Variants in MIPEP observed in about 807,000 individuals in gnomAD.
MIPEP encodes mitochondrial intermediate peptidase.
A neutral mutation model predicts 90.3 loss-of-function variants in MIPEP; 79 were observed. The observed-to-expected ratio is 0.87, with a 90% CI of 0.73 to 1.05. The LOEUF (loss-of-function observed/expected upper bound fraction) is 1.05. MIPEP is among the 50% of genes least tolerant of loss of function. MIPEP has a pLI of 0.00. For synonymous variants in MIPEP, 334 were observed against 315.8 expected (o/e 1.06, Z -0.61); for missense variants, 940 against 905.6 (o/e 1.04, Z -0.49).
At chr13:23,877,171 A>G (rs1029597808) in intron 4 of MIPEP, among the ~76,000 whole-genome samples, 1 of 152,212 alleles carries the variant, frequency 6.6e-6, no homozygotes, top group Non-Finnish European at 1.5e-5. Flanking sequence ...TTTATTCTCT[A>G]TGACTTCAAA....
chr13:23,756,401 C>T, intron 18 of MIPEP, 144 bp downstream of exon 18: 5 of 787,116 alleles, frequency 6.4e-6, no homozygotes, highest in Non-Finnish European at 1.0e-5. Context: ...GTGATCCACC[C>T]TCCTTGGGGC....
intron 16 of MIPEP, among the ~76,000 whole-genome samples, chr13:23,797,546 C>T (rs564354429): frequency 6.6e-6 from 1 of 152,270 alleles, no homozygotes; most frequent in Admixed American, 6.5e-5. Context: ...AACTAGCAAG[C>T]ACCAAACACC....
chr13:23,817,795 T>C (rs1953258272), intron 14 of MIPEP, among the ~76,000 whole-genome samples: 1 of 152,094 alleles, frequency 6.6e-6, no homozygotes, highest in Non-Finnish European at 1.5e-5. Flanking sequence ...CCATCCAAAA[T>C]TTGTTTTACT....
At position 23,834,191 on chromosome 13, in the gene MIPEP, G is replaced by T. The variant is rs1429797198; in HGVS notation, c.1653+2049C>A. The stretch of plus-strand genomic sequence containing the variant: ...CCTGCCTCTCCAGGAAGCCTCTCAG[G>T]CTCTATCCGCACCCCCTGCGATCCG... On this transcript the variant is annotated intron_variant, in intron 14 of 18. Transcript: ENST00000382172. 3.3e-5 allele frequency among the ~76,000 whole-genome samples: 5 copies of T among 152,224 alleles called. No individual in the cohort carries two copies. The East Asian group carries it at 5.8e-4, about 18-fold the overall frequency.
chr13:23,850,972 G>C (rs1467121173), intron 10 of MIPEP, among the ~76,000 whole-genome samples: 1 of 152,224 alleles, frequency 6.6e-6, no homozygotes, highest in African/African-American at 2.4e-5. Flanking sequence ...AGCAGCAAAA[G>C]GGAAATAGGC....
At chr13:23,781,779 AAC>A (rs1329484259) in intron 16 of MIPEP, among the ~76,000 whole-genome samples, 1 of 152,206 alleles carries the variant, frequency 6.6e-6, no homozygotes, top group East Asian at 1.9e-4. Flanking sequence ...GCAAATGGAA[AAC>A]AAAAAAAGGC....
chr13:23,763,492 G>A (rs1952567527), intron 16 of MIPEP, among the ~76,000 whole-genome samples: 1 of 152,178 alleles, frequency 6.6e-6, no homozygotes, highest in African/African-American at 2.4e-5. Flanking sequence ...GTTTAATTCT[G>A]TTTAGATTCA....
intron 14 of MIPEP, among the ~76,000 whole-genome samples, chr13:23,819,325 C>G (rs1953278812): frequency 6.6e-6 from 1 of 152,162 alleles, no homozygotes; most frequent in Non-Finnish European, 1.5e-5. Flanking sequence ...CTACCTGAGT[C>G]AGTGTCATAT....
chr13:23,861,783 T>C (rs1199098012), intron 9 of MIPEP, among the ~76,000 whole-genome samples: 5 of 152,186 alleles, frequency 3.3e-5, no homozygotes, highest in South Asian at 2.1e-4. Context: ...ATAACAATAC[T>C]TGTCTATACT....
chr13:23,822,375 A>G (rs1351757741), intron 14 of MIPEP, among the ~76,000 whole-genome samples: 1 of 152,220 alleles, frequency 6.6e-6, no homozygotes, highest in African/African-American at 2.4e-5. Flanking sequence ...CTATAAACTA[A>G]AAAGAACTGA....
chr13:23,883,819 T>C (rs1301814256), intron 2 of MIPEP, among the ~76,000 whole-genome samples: 2 of 152,126 alleles, frequency 1.3e-5, no homozygotes, highest in Non-Finnish European at 2.9e-5. Flanking sequence ...GTATGAAACC[T>C]CCTTTTGGCA....
At chr13:23,797,512 C>G (rs1022189204) in intron 16 of MIPEP, among the ~76,000 whole-genome samples, 2 of 152,152 alleles carry the variant, frequency 1.3e-5, no homozygotes, top group African/African-American at 4.8e-5. Context: ...ATTCCCACTC[C>G]TTCTCTTTTA....
At chr13:23,807,447 T>C (rs922648146) in intron 15 of MIPEP, among the ~76,000 whole-genome samples, 1 of 152,206 alleles carries the variant, frequency 6.6e-6, no homozygotes, top group African/African-American at 2.4e-5. Flanking sequence ...GAGGATTAGT[T>C]TGGTTAAAAG....
At chr13:23,829,409 C>A (rs1396797427) in intron 14 of MIPEP, among the ~76,000 whole-genome samples, 1 of 151,056 alleles carries the variant, frequency 6.6e-6, no homozygotes, top group Non-Finnish European at 1.5e-5. Context: ...GGCGAAAGAG[C>A]AAGACTCTGT....
At chr13:23,749,627 G>A (rs996858362) in intron 18 of MIPEP, among the ~76,000 whole-genome samples, 1 of 152,118 alleles carries the variant, frequency 6.6e-6, no homozygotes, top group Non-Finnish European at 1.5e-5. Flanking sequence ...GGAGCTTCCT[G>A]AGCTGAATTC....
Position 23,871,908 on chromosome 13 carries a change from T to C in MIPEP, c.604-1713A>G, listed in dbSNP as rs145635229. ...AGTTCCAAAATTGTCTTCAAAACTT[T>C]TACTTTGAAAAAAAAAATGTGATAA... is the stretch of plus-strand genomic sequence containing the variant. On this transcript the variant is annotated intron_variant, in intron 5 of 18. Coordinates refer to ENST00000382172, the MANE Select transcript of MIPEP (RefSeq NM_005932.4). 3.6e-3 allele frequency among the ~76,000 whole-genome samples: 554 copies of C among 152,302 alleles called. 5 individuals carry two copies. Among genetic ancestry groups the C allele is most frequent in the African/African-American group, 0.013 (532 of 41,584 alleles).
At chr13:23,834,463 TTCCCCTAGGAA>T (rs1474856240) in intron 14 of MIPEP, among the ~76,000 whole-genome samples, 2 of 152,162 alleles carry the variant, frequency 1.3e-5, no homozygotes, top group African/African-American at 4.8e-5. Context: ...TCTGTCTCAG[TTCCCCTAGGAA>T]TTAAAGACCG....
At position 23,865,479 on chromosome 13, in the gene MIPEP, T is replaced by C. The variant is rs529736662; in HGVS notation, c.944-1290A>G. ...CCATATGAAACAACAATAGGAATTT[T>C]TGGGGAACAAAGACATTATTTAGTC... On this transcript the variant is annotated intron_variant, in intron 7 of 18. Transcript: ENST00000382172. Among the ~76,000 whole-genome samples the C allele has an allele frequency of 1.1e-3, 164 of 152,334 alleles. 1 individual carries two copies. In the South Asian group the frequency reaches 0.012, roughly 11 times the overall value.
chr13:23,876,451 A>G (rs529811941), intron 4 of MIPEP, among the ~76,000 whole-genome samples: 1 of 152,304 alleles, frequency 6.6e-6, no homozygotes, highest in South Asian at 2.1e-4. Context: ...CTAGAGATGC[A>G]GTTCCACCCA....
Sources: gnomAD v4.1 joint callset for allele counts (sites outside exome capture counted in the v4.1 genomes callset) on GRCh38, gnomAD v4.1.1 for gene constraint, MANE v1.5 for transcripts, NCBI Gene and HGNC (gene_info 2026-07-23, HGNC 2026-07-21) for gene names.